The following CEP85L variants were observed in gnomAD, a reference collection of about 807,000 sequenced individuals.
CEP85L encodes centrosomal protein 85L, also known as centrosomal protein of 85 kDa-like.
A neutral mutation model predicts 100.3 loss-of-function variants in CEP85L; 60 were observed. The observed-to-expected ratio is 0.60, with a 90% CI of 0.49 to 0.74. The LOEUF is 0.74. Among genes scored for constraint, CEP85L ranks in the 30% least tolerant of loss-of-function variants. The pLI is 0.00. For synonymous variants in CEP85L, 319 were observed against 322.7 expected, an observed-to-expected ratio of 0.99 and a Z score of 0.12; for missense variants, 973 against 936.2, an observed-to-expected ratio of 1.04 and a Z score of -0.51.
At chr6:118,484,985 T>C (rs1399677840) in intron 6 of CEP85L, among the ~76,000 whole-genome samples, 2 of 152,202 alleles carry the variant, frequency 1.3e-5, no homozygotes, top group African/African-American at 2.4e-5. Flanking sequence ...TTGATGTCAT[T>C]TTAGGATTGA....
chr6:118,623,964 T>C (rs1773617670), intron 2 of CEP85L, among the ~76,000 whole-genome samples: 1 of 152,158 alleles, frequency 6.6e-6, no homozygotes. Flanking sequence ...CCACTGAGGT[T>C]AAGGTGGCAG....
chr6:118,632,285 G>C (rs372832555), intron 2 of CEP85L, among the ~76,000 whole-genome samples, 168 bp downstream of exon 2: 1 of 152,026 alleles, frequency 6.6e-6, no homozygotes, highest in African/African-American at 2.4e-5. Context: ...CACCGCGCCC[G>C]GTCGATTAGA....
At chr6:118,557,584 G>A (rs1475338059) in intron 3 of CEP85L, among the ~76,000 whole-genome samples, 1 of 152,182 alleles carries the variant, frequency 6.6e-6, no homozygotes, top group African/African-American at 2.4e-5. Flanking sequence ...GAGTGTGAGT[G>A]TGTACATGAG....
intron 6 of CEP85L, among the ~76,000 whole-genome samples, chr6:118,486,229 T>C (rs887952782): frequency 2.6e-5 from 4 of 152,166 alleles, no homozygotes; most frequent in African/African-American, 9.7e-5. Flanking sequence ...TGCTGTCCCA[T>C]ACAAACAGAG....
intron 3 of CEP85L, among the ~76,000 whole-genome samples, chr6:118,546,221 C>A (rs1778193018): frequency 6.6e-6 from 1 of 152,088 alleles, no homozygotes; most frequent in Non-Finnish European, 1.5e-5. Flanking sequence ...CAAAAACTCC[C>A]CACTCTTGTA....
intron 1 of CEP85L, among the ~76,000 whole-genome samples, chr6:118,706,173 C>G (rs866525341): frequency 2.6e-5 from 4 of 152,166 alleles, no homozygotes; most frequent in Middle Eastern, 3.2e-3. Context: ...CCACAGAACA[C>G]AGACACTCTG....
At chr6:118,526,231 T>C (rs1177608196) in intron 3 of CEP85L, among the ~76,000 whole-genome samples, 1 of 152,168 alleles carries the variant, frequency 6.6e-6, no homozygotes, top group Admixed American at 6.5e-5. Flanking sequence ...ATGTTAGCTG[T>C]TAGAATACTG....
At position 118,565,982 on chromosome 6, in the gene CEP85L, A is replaced by G; in HGVS notation, c.567T>C (p.Ala189=). The G allele has an allele frequency of 6.2e-7, 1 of 1,614,214 alleles. No individual in the cohort carries two copies. Among genetic ancestry groups the G allele is most frequent in the Non-Finnish European group, 8.5e-7 (1 of 1,180,030 alleles). The change falls in exon 3 of 13, where the codon GCT becomes GCC. Residue 189 remains alanine, a synonymous_variant. Transcript: ENST00000368491. ...SRNGLEKIGK[A]KALTSQLRTI... is the part of the protein sequence containing the mutation. ...TCCTCAGTTGTGATGTTAAAGCCTT[A>G]GCCTTCCCTATCTTCTCCAAACCAT... is the stretch of plus-strand genomic sequence containing the variant.
chr6:118,501,847 C>T, intron 5 of CEP85L: 10 of 1,296,970 alleles, frequency 7.7e-6, no homozygotes, highest in East Asian at 4.7e-5. Flanking sequence ...CTGGAGATGC[C>T]GAAGCACAAG....
intron 3 of CEP85L, among the ~76,000 whole-genome samples, chr6:118,561,617 A>G (rs1000100235): frequency 7.7e-4 from 117 of 152,280 alleles, no homozygotes; most frequent in African/African-American, 2.7e-3. Flanking sequence ...CAATTTTAAA[A>G]TGCTTAATGT....
intron 2 of CEP85L, among the ~76,000 whole-genome samples, chr6:118,576,010 G>A (rs1780207406): frequency 6.6e-6 from 1 of 152,032 alleles, no homozygotes. Flanking sequence ...TGTAGTCAAA[G>A]CCCTGTTAGA....
In CEP85L at chr6:118,565,662, G is replaced by A. The variant is rs759054868; in HGVS notation, c.887C>T (p.Thr296Ile). 1.9e-6 allele frequency: 3 copies of A among 1,614,170 alleles called. No homozygotes were observed. The highest frequency in any genetic ancestry group is 4.5e-5 in the East Asian group (2 of 44,880). Residue 296 changes from threonine to isoleucine, a missense_variant, in exon 3 of 13, where the codon ACT (threonine) becomes ATT (isoleucine). By Grantham distance (89) the Thr-to-Ile change is moderately conservative. This residue lies in a region of CEP85L where 890 missense variants were observed against 844.5 expected (regional missense o/e 1.05). Transcript: ENST00000368491. ...CAGCTGCTCTGTAAGCCACATCTGA[G>A]TCCTTACGGAAGGCTGAATGGGAAC... ...GGVPIQPSVR[T>I]QMWLTEQLRT...
intron 2 of CEP85L, among the ~76,000 whole-genome samples, chr6:118,593,863 A>G (rs9489454): frequency 0.68 from 102,640 of 151,772 alleles, 35,407 homozygotes; most frequent in Middle Eastern, 0.74. Context: ...ATCATCCACA[A>G]TGTTCTTTTA....
chr6:118,672,251 A>T (rs918727307), intron 1 of CEP85L, among the ~76,000 whole-genome samples: 8 of 152,060 alleles, frequency 5.3e-5, no homozygotes, highest in Non-Finnish European at 7.4e-5. Context: ...TTGGCCAGGC[A>T]AGTCTCGAAC....
intron 3 of CEP85L, among the ~76,000 whole-genome samples, chr6:118,531,021 G>C (rs1383421778): frequency 6.6e-6 from 1 of 151,956 alleles, no homozygotes. Context: ...AATTCATATG[G>C]ATCCAAAAAA....
intron 2 of CEP85L, among the ~76,000 whole-genome samples, chr6:118,568,613 G>T (rs950558273): frequency 6.6e-6 from 1 of 152,198 alleles, no homozygotes; most frequent in African/African-American, 2.4e-5. Flanking sequence ...TGGTATCACT[G>T]AGCTTCCAAA....
intron 3 of CEP85L, among the ~76,000 whole-genome samples, chr6:118,529,897 T>A (rs1029995622): frequency 2.0e-5 from 3 of 152,266 alleles, no homozygotes; most frequent in Middle Eastern, 3.4e-3. Context: ...AATGTTAATG[T>A]TTTCTTTTGT....
At chr6:118,647,964 C>T (rs1164026715) in intron 1 of CEP85L, among the ~76,000 whole-genome samples, 1 of 152,200 alleles carries the variant, frequency 6.6e-6, no homozygotes, top group African/African-American at 2.4e-5. Context: ...TAAGAAAACA[C>T]TCATTTTAGC....
intron 5 of CEP85L, among the ~76,000 whole-genome samples, chr6:118,509,845 T>C (rs1270642940): frequency 6.6e-6 from 1 of 152,236 alleles, no homozygotes; most frequent in East Asian, 1.9e-4. Flanking sequence ...AAACAAGTTT[T>C]AAAGGAAGCT....
Sources: allele counts gnomAD v4.1 joint callset (sites outside exome capture counted in the v4.1 genomes callset), GRCh38; gene constraint gnomAD v4.1.1; regional missense constraint gnomAD v4.1.1; transcripts MANE v1.5; gene names NCBI Gene and HGNC (gene_info 2026-07-23, HGNC 2026-07-21).